Variants in PPP1R16A observed in about 807,000 individuals in gnomAD.
PPP1R16A encodes the protein protein phosphatase 1 regulatory subunit 16A.
A neutral mutation model predicts 46.6 loss-of-function variants in PPP1R16A; 39 were observed. The ratio of observed to expected loss-of-function variants is 0.84; its 90% CI spans 0.65 to 1.09. The LOEUF is 1.09. Ranked by LOEUF, PPP1R16A falls within the 50% of genes least tolerant of loss-of-function variation. The pLI, the probability that PPP1R16A is intolerant of heterozygous loss-of-function variation, is 0.00. For synonymous variants in PPP1R16A, 413 were observed against 321.5 expected (o/e 1.28, Z -3.04); for missense variants, 798 against 735.6 (o/e 1.08, Z -0.98).
At chr8:144,492,805 C>G (rs891349662) in intron 2 of PPP1R16A, among the ~76,000 whole-genome samples, 2 of 152,170 alleles carry the variant, frequency 1.3e-5, no homozygotes, top group Non-Finnish European at 2.9e-5. Flanking sequence ...TTCCCCTGCC[C>G]CTTTCCTCTC....
intron 1 of PPP1R16A, among the ~76,000 whole-genome samples, chr8:144,482,882 A>C (rs1329755736): frequency 6.6e-6 from 1 of 151,646 alleles, no homozygotes; most frequent in Non-Finnish European, 1.5e-5. Context: ...TCCTGACCTC[A>C]TGGTCCACCC....
chr8:144,490,878 G>A (rs145536749), intron 2 of PPP1R16A, among the ~76,000 whole-genome samples: 42 of 152,162 alleles, frequency 2.8e-4, no homozygotes, highest in African/African-American at 9.6e-4. Flanking sequence ...AACATAGGGA[G>A]ACCCCAACTC....
In PPP1R16A at chr8:144,498,911, T is replaced by A. The variant is rs1445310872; in HGVS notation, c.331-5T>A. 1 of 1,612,756 alleles carries A rather than the reference T, an allele frequency of 6.2e-7. No homozygotes were observed. Among genetic ancestry groups the A allele is most frequent in the Non-Finnish European group, 8.5e-7 (1 of 1,179,904 alleles). On this transcript the variant is annotated splice_region_variant and splice_polypyrimidine_tract_variant and intron_variant, in intron 4 of 11. Coordinates refer to ENST00000435887, the MANE Select transcript of PPP1R16A (RefSeq NM_001329443.2). Reference sequence around the variant, plus strand: ...CTCTGGTCGCTCACGTGGCACGGTTTGCAGTGCTGCATTGATGATTTCCGA... The same window carrying A: ...CTCTGGTCGCTCACGTGGCACGGTTAGCAGTGCTGCATTGATGATTTCCGA...
intron 2 of PPP1R16A, among the ~76,000 whole-genome samples, chr8:144,494,649 G>A (rs962717217): frequency 6.6e-6 from 1 of 152,144 alleles, no homozygotes; most frequent in African/African-American, 2.4e-5. Flanking sequence ...CTGGGGATGG[G>A]CAAGGGCAGC....
At chr8:144,497,483 C>CAGCAG in intron 3 of PPP1R16A, 30 bp downstream of exon 3, 2 of 1,610,060 alleles carry the variant, frequency 1.2e-6, no homozygotes, top group Non-Finnish European at 1.7e-6. Context: ...GAGCAGCTCC[C>CAGCAG]AGCAGACGGC....
intron 2 of PPP1R16A, among the ~76,000 whole-genome samples, chr8:144,490,975 C>T (rs1174252721): frequency 6.6e-6 from 1 of 151,812 alleles, no homozygotes; most frequent in East Asian, 2.0e-4. Flanking sequence ...GGGAGGATCG[C>T]TGGACCCCAG....
intron 2 of PPP1R16A, among the ~76,000 whole-genome samples, chr8:144,494,311 G>A (rs1825948288): frequency 6.6e-6 from 1 of 151,806 alleles, no homozygotes; most frequent in African/African-American, 2.4e-5. Context: ...AGTAGGTGGT[G>A]TCTGTTAAAT....
rs1442756638 is a variant in PPP1R16A at position 144,501,990 on chromosome 8, G to A, written c.*87G>A. ...TGCGTGCCCTGGTGCTGCGGGTGCAGCACGGAAACCCCGGCTTCTACTGTA... is the reference window on the plus strand; with the variant it reads ...TGCGTGCCCTGGTGCTGCGGGTGCAACACGGAAACCCCGGCTTCTACTGTA... On this transcript the variant is annotated 3_prime_UTR_variant, in exon 12 of 12. Coordinates refer to ENST00000435887, the MANE Select transcript of PPP1R16A (RefSeq NM_001329443.2). 1 of 1,359,590 alleles carries A rather than the reference G, an allele frequency of 7.4e-7. No individual in the cohort carries two copies. The highest frequency in any genetic ancestry group is 2.5e-5 in the East Asian group (1 of 39,652). 84.2% of individuals were successfully genotyped at this position (1,359,590 alleles called of 1,614,324 possible).
Position 144,501,870 on chromosome 8 carries a change from C to T in PPP1R16A, c.1554C>T (p.Pro518=), listed in dbSNP as rs370667216. ...TCACAGCCCCGGCGGTGGAGGCTCC[C>T]GTGGAGAGGAGGCCGTGCTGCCTGC... ...LKLTAPAVEA[P]VERRPCCLLM The change falls in exon 12 of 12, where the codon CCC becomes CCT. Residue 518 remains proline, a synonymous_variant. Coordinates refer to ENST00000435887, the MANE Select transcript of PPP1R16A (RefSeq NM_001329443.2). 30 of 1,540,510 alleles carry T rather than the reference C, an allele frequency of 1.9e-5. No homozygotes were observed. The highest frequency in any genetic ancestry group is 1.5e-4 in the African/African-American group (11 of 73,036).
chr8:144,485,641 T>TAC (rs1174012659), intron 1 of PPP1R16A, among the ~76,000 whole-genome samples: 1 of 152,098 alleles, frequency 6.6e-6, no homozygotes. Flanking sequence ...GTCAATGGAG[T>TAC]ACAGCAGTTC....
At position 144,501,170 on chromosome 8, in the gene PPP1R16A, T is replaced by C; in HGVS notation, c.1079T>C (p.Leu360Pro). 6.2e-7 allele frequency: 1 copy of C among 1,610,710 alleles called. No homozygotes were observed. The highest frequency in any genetic ancestry group is 1.3e-5 in the African/African-American group (1 of 74,982). ...GTGAGCCTAACCCAGCGCACCGACC[T>C]GTACCGCAAGCAGCACGCCCAGGAG... ...RRVSLTQRTD[L>P]YRKQHAQEAI... Residue 360 changes from leucine (L) to proline (P), a missense_variant, in exon 11 of 12, where the codon CTG becomes CCG. Transcript: ENST00000435887.
intron 11 of PPP1R16A, 40 bp downstream of exon 11, chr8:144,501,334 G>T (rs1274208555): frequency 6.5e-7 from 1 of 1,534,608 alleles, no homozygotes; most frequent in Non-Finnish European, 8.7e-7. Context: ...GCAGGGGTGG[G>T]CCTGGCTCTG....
At chr8:144,487,301 T>A (rs1362537031) in intron 1 of PPP1R16A, among the ~76,000 whole-genome samples, 3 of 152,132 alleles carry the variant, frequency 2.0e-5, no homozygotes, top group Non-Finnish European at 4.4e-5. Flanking sequence ...TATTGAAGGC[T>A]TTTCCACTCC....
rs1426803027 is a variant in PPP1R16A at position 144,500,405 on chromosome 8, G to A, written c.705+14G>A. 5.3e-6 allele frequency: 8 copies of A among 1,520,276 alleles called. No individual in the cohort carries two copies. The highest frequency in any genetic ancestry group is 2.8e-5 in the African/African-American group (2 of 72,632). The allele number at this position is 1,520,276 out of a possible 1,614,324, so 94.2% of individuals were successfully genotyped here. ...GGGGCCACGCTGGTGAGGGCTGGGG[G>A]GTGAGGGGCACACGGGGCTGGGGGC... is the stretch of plus-strand genomic sequence containing the variant. On this transcript the variant is annotated intron_variant, in intron 7 of 11. Coordinates refer to ENST00000435887, the MANE Select transcript of PPP1R16A (RefSeq NM_001329443.2).
At chr8:144,490,692 A>G (rs1825779000) in intron 2 of PPP1R16A, among the ~76,000 whole-genome samples, 1 of 152,186 alleles carries the variant, frequency 6.6e-6, no homozygotes, top group Non-Finnish European at 1.5e-5. Context: ...CTGCACCTTC[A>G]GAAGGTCAGC....
At chr8:144,480,113 G>T (rs947994602) in intron 1 of PPP1R16A, among the ~76,000 whole-genome samples, 1 of 152,242 alleles carries the variant, frequency 6.6e-6, no homozygotes, top group African/African-American at 2.4e-5. Context: ...TTGCACTTAA[G>T]ATGTGATCCG....
chr8:144,491,869 C>T (rs1485205557), intron 2 of PPP1R16A, among the ~76,000 whole-genome samples: 3 of 151,318 alleles, frequency 2.0e-5, no homozygotes, highest in African/African-American at 7.3e-5. Flanking sequence ...GAGGTCGAGG[C>T]TACAGCGAGC....
chr8:144,500,238 G>A, intron 6 of PPP1R16A, 29 bp from the exon 7 acceptor site: 1 of 1,577,216 alleles, frequency 6.3e-7, no homozygotes, highest in Non-Finnish European at 8.6e-7. Flanking sequence ...GCTGCCGGTC[G>A]CGCTCCCTCT....
rs752379530 is a variant in PPP1R16A at position 144,500,482 on chromosome 8, T to C, written c.706-5T>C. 8 of 1,577,068 alleles carry C rather than the reference T, an allele frequency of 5.1e-6. No individual in the cohort carries two copies. In the South Asian group the frequency reaches 7.9e-5, roughly 16 times the overall value. Reference sequence around the variant, plus strand: ...GCCGAATTCAGGCCGGGCGCTTGCCTGCAGCTGCACGTCGCAGCCGCCAAC... The same window carrying C: ...GCCGAATTCAGGCCGGGCGCTTGCCCGCAGCTGCACGTCGCAGCCGCCAAC... On this transcript the variant is annotated splice_polypyrimidine_tract_variant and splice_region_variant and intron_variant, in intron 7 of 11. Coordinates refer to ENST00000435887, the MANE Select transcript of PPP1R16A (RefSeq NM_001329443.2).
Sources: gnomAD v4.1 joint callset for allele counts (sites outside exome capture counted in the v4.1 genomes callset) on GRCh38, gnomAD v4.1.1 for gene constraint, MANE v1.5 for transcripts, NCBI Gene and HGNC (gene_info 2026-07-23, HGNC 2026-07-21) for gene names.